Variants in COL24A1 observed in about 807,000 individuals in gnomAD.
COL24A1 encodes the protein collagen type XXIV alpha 1 chain.
In COL24A1, 224 loss-of-function variants were observed where a neutral mutation model predicts 253.9. That is an observed-to-expected ratio of 0.88 (90% CI 0.79 to 0.99). The LOEUF (loss-of-function observed/expected upper bound fraction) is 0.99. COL24A1 is among the 50% of genes least tolerant of loss of function. The pLI, the probability that COL24A1 is intolerant of heterozygous loss-of-function variation, is 0.00. For synonymous variants in COL24A1, 685 were observed against 673.7 expected, an observed-to-expected ratio of 1.02 and a Z score of -0.26; for missense variants, 2,131 against 2,068.5, an observed-to-expected ratio of 1.03 and a Z score of -0.59.
intron 35 of COL24A1, among the ~76,000 whole-genome samples, chr1:85,869,820 A>G (rs1680226920): frequency 6.6e-6 from 1 of 152,174 alleles, no homozygotes; most frequent in African/African-American, 2.4e-5. Context: ...TAACATCATA[A>G]TGACAGGATC....
intron 27 of COL24A1, 62 bp from the exon 28 acceptor site, chr1:85,907,309 C>T: frequency 7.6e-7 from 1 of 1,317,816 alleles, no homozygotes; most frequent in Non-Finnish European, 1.1e-6. Context: ...GAATAATAGC[C>T]ATAATCTTTC....
chr1:85,799,409 A>G (rs1198623193), intron 47 of COL24A1, among the ~76,000 whole-genome samples: 1 of 149,144 alleles, frequency 6.7e-6, no homozygotes, highest in Admixed American at 6.7e-5. Context: ...AAAAAAAACC[A>G]ATGGAAAGAT....
chr1:86,117,409 C>G (rs1025238818), intron 3 of COL24A1, among the ~76,000 whole-genome samples: 1 of 152,202 alleles, frequency 6.6e-6, no homozygotes, highest in African/African-American at 2.4e-5. Flanking sequence ...ACCAAACATG[C>G]CAGCACTTTG....
chr1:85,958,720 G>A (rs1690726343), intron 24 of COL24A1, among the ~76,000 whole-genome samples: 1 of 151,980 alleles, frequency 6.6e-6, no homozygotes, highest in Non-Finnish European at 1.5e-5. Flanking sequence ...TTTCTTTACA[G>A]TTCTTCGAAT....
At chr1:85,841,620 C>T (rs899132839) in intron 41 of COL24A1, among the ~76,000 whole-genome samples, 6 of 151,936 alleles carry the variant, frequency 3.9e-5, no homozygotes, top group Non-Finnish European at 5.9e-5. Flanking sequence ...GAGCCAGGTG[C>T]GGTGGTACTC....
intron 37 of COL24A1, among the ~76,000 whole-genome samples, chr1:85,858,629 T>TTCCTTCCTTCTTTCCTTCCTTCCTTCCC (rs1678752518): frequency 9.1e-6 from 1 of 110,068 alleles, no homozygotes; most frequent in Non-Finnish European, 1.8e-5. Context: ...CCCTCCTTCC[T>TTCCTTCCTTCTTTCCTTCCTTCCTTCCC]TCCTTCCTTC....
intron 46 of COL24A1, among the ~76,000 whole-genome samples, chr1:85,817,221 T>C (rs1018973783): frequency 6.6e-6 from 1 of 152,224 alleles, no homozygotes; most frequent in Non-Finnish European, 1.5e-5. Flanking sequence ...AGATCAGCTA[T>C]ATGCACCTGT....
rs182040220 is a variant in COL24A1 at position 86,000,488 on chromosome 1, T to C, written c.2311-12834A>G. ...AAGTGACAATTAAAAACATGAAATT[T>C]CTCATCCAAATCCAAGTCATAAAAG... On this transcript the variant is annotated intron_variant, in intron 19 of 59. Transcript: ENST00000370571. Among the ~76,000 whole-genome samples, 729 of 152,328 alleles carry C rather than the reference T, an allele frequency of 4.8e-3. 6 individuals are homozygous for C. The highest frequency in any genetic ancestry group is 0.017 in the African/African-American group (698 of 41,560).
Position 85,823,727 on chromosome 1 carries a change from A to G in COL24A1, c.3693T>C (p.Gly1231=). The part of the protein sequence containing the change: ...PGAEGYKGHV[G]VPGLRGATGQ... Reference sequence around the variant, plus strand: ...CAGTGGCACCTCTTAGTCCTGGTACACCCACATGGCCCTAGAAATAGAAAA... The same window carrying G: ...CAGTGGCACCTCTTAGTCCTGGTACGCCCACATGGCCCTAGAAATAGAAAA... The change falls in exon 44 of 60, where the codon GGT becomes GGC. Residue 1231 remains glycine (G), a synonymous_variant. Coordinates refer to ENST00000370571, the MANE Select transcript of COL24A1 (RefSeq NM_152890.7). 6.2e-7 allele frequency: 1 copy of G among 1,613,704 alleles called. No individual in the cohort carries two copies. The highest frequency in any genetic ancestry group is 1.1e-5 in the South Asian group (1 of 91,034).
chr1:85,748,102 T>C (rs190310241), intron 55 of COL24A1, among the ~76,000 whole-genome samples: 13 of 152,320 alleles, frequency 8.5e-5, no homozygotes, highest in Non-Finnish European at 1.6e-4. Context: ...TAAATACATG[T>C]TTTCCCTAAT....
At chr1:85,801,272 A>G (rs1233645843) in intron 47 of COL24A1, among the ~76,000 whole-genome samples, 3 of 151,796 alleles carry the variant, frequency 2.0e-5, no homozygotes, top group African/African-American at 7.3e-5. Flanking sequence ...TCCATTTACC[A>G]CCCCTTCTCT....
rs1426071364 is a variant in COL24A1 at position 85,842,365 on chromosome 1, C to G, written c.3491G>C (p.Gly1164Ala). 3.1e-6 allele frequency: 5 copies of G among 1,600,090 alleles called. No individual in the cohort carries two copies. The highest frequency in any genetic ancestry group is 3.5e-5 in the Admixed American group (2 of 57,718). ...VGHLGLMGPDGEPGIPGYRGH... is the reference protein window; with the variant it reads ...VGHLGLMGPDAEPGIPGYRGH... ...CCTGTACCCTGGAATTCCTGGTTCT[C>G]CATCAGGTCCCATCAATCCTAAATG... The change falls in exon 40 of 60, where the codon GGA (glycine) becomes GCA (alanine). Residue 1164 changes from glycine to alanine, a missense_variant. By Grantham distance (60) the Gly-to-Ala change is moderately conservative. Transcript: ENST00000370571.
chr1:85,786,570 ACTGCCCAGGAGTTATC>A, intron 47 of COL24A1, 109 bp from the exon 48 acceptor site: 3 of 840,588 alleles, frequency 3.6e-6, no homozygotes, highest in Non-Finnish European at 5.5e-6. Flanking sequence ...CTGTTAACAT[ACTGCCCAGGAGTTATC>A]CTGGGCTTCT....
Position 85,767,698 on chromosome 1 carries a change from A to C in COL24A1, c.4375-6132T>G, listed in dbSNP as rs373620293. On this transcript the variant is annotated intron_variant, in intron 53 of 59. Transcript: ENST00000370571. ...GCCTACTCTAAATGCCACTGTGCCT[A>C]TTTCCCATCTCCCTTGGGTACTGGA... Among the ~76,000 whole-genome samples, 11 of 151,984 alleles carry C rather than the reference A, an allele frequency of 7.2e-5. No homozygotes were observed. In the South Asian group the frequency reaches 2.3e-3, roughly 32 times the overall value.
At chr1:85,954,554 G>T (rs1315383520) in intron 24 of COL24A1, among the ~76,000 whole-genome samples, 1 of 151,952 alleles carries the variant, frequency 6.6e-6, no homozygotes, top group Non-Finnish European at 1.5e-5. Flanking sequence ...TATTTTCCAG[G>T]GTGTCTATGA....
chr1:85,797,398 G>C (rs1270058512), intron 47 of COL24A1, among the ~76,000 whole-genome samples: 1 of 152,092 alleles, frequency 6.6e-6, no homozygotes, highest in Non-Finnish European at 1.5e-5. Context: ...ACTCCGACTA[G>C]AAAGGTGAGT....
At chr1:85,842,416 G>T in intron 39 of COL24A1, 23 bp from the exon 40 acceptor site, 1 of 1,480,148 alleles carries the variant, frequency 6.8e-7, no homozygotes, top group South Asian at 1.2e-5. Context: ...GTAAATATTA[G>T]TGAGAGAGAG....
chr1:86,130,459 C>G (rs765585835), intron 2 of COL24A1, among the ~76,000 whole-genome samples: 43 of 151,550 alleles, frequency 2.8e-4, no homozygotes, highest in Middle Eastern at 3.4e-3. Context: ...TTTGTGTATG[C>G]CTTTTGAGAT....
chr1:85,833,177 C>A (rs927518334), intron 43 of COL24A1, among the ~76,000 whole-genome samples: 10 of 152,046 alleles, frequency 6.6e-5, no homozygotes, highest in African/African-American at 2.4e-4. Flanking sequence ...TCAGAGTGAA[C>A]AGGCAACCTA....
Sources: gnomAD v4.1 joint callset for allele counts (sites outside exome capture counted in the v4.1 genomes callset) on GRCh38, gnomAD v4.1.1 for gene constraint, MANE v1.5 for transcripts, NCBI Gene and HGNC (gene_info 2026-07-23, HGNC 2026-07-21) for gene names.